The following LRP1B variants were observed in gnomAD, a reference collection of about 807,000 sequenced individuals.
The protein encoded by LRP1B is low-density lipoprotein receptor-related protein 1B.
In LRP1B, 217 loss-of-function variants were observed where a neutral mutation model predicts 556.6. That is an observed-to-expected ratio of 0.39 (90% CI 0.35 to 0.44). The LOEUF is 0.44. Ranked by LOEUF, LRP1B falls within the 20% of genes least tolerant of loss-of-function variation. The probability of loss-of-function intolerance (pLI) is 1.00; values close to 1 mark genes in which losing one functional copy is unlikely to be tolerated. For missense variants in LRP1B, 5,053 were observed against 5,620.8 expected, an observed-to-expected ratio of 0.90 and a Z score of 3.23; for synonymous variants, 2,047 against 1,865.8, an observed-to-expected ratio of 1.10 and a Z score of -2.50.
intron 1 of LRP1B, among the ~76,000 whole-genome samples, chr2:141,962,164 T>G (rs1347854221): frequency 6.6e-6 from 1 of 151,754 alleles, no homozygotes; most frequent in African/African-American, 2.4e-5. Flanking sequence ...GCACAGATCA[T>G]TTGTTGAATA....
intron 2 of LRP1B, among the ~76,000 whole-genome samples, chr2:141,481,663 G>A (rs1682922552): frequency 6.6e-6 from 1 of 152,158 alleles, no homozygotes; most frequent in South Asian, 2.1e-4. Context: ...GGCTGAGTAG[G>A]AATTCAACAT....
intron 31 of LRP1B, among the ~76,000 whole-genome samples, chr2:140,820,169 C>T (rs914017426): frequency 6.6e-6 from 1 of 152,072 alleles, no homozygotes; most frequent in Admixed American, 6.6e-5. Context: ...TTTGTAGAGA[C>T]AGGCTTTGCC....
At chr2:140,382,668 G>A (rs1683568865) in intron 67 of LRP1B, among the ~76,000 whole-genome samples, 1 of 152,164 alleles carries the variant, frequency 6.6e-6, no homozygotes, top group Admixed American at 6.5e-5. Context: ...AACGTAGTTG[G>A]CAGTTAATTG....
intron 5 of LRP1B, among the ~76,000 whole-genome samples, chr2:141,243,886 G>A (rs1056199289): frequency 8.5e-5 from 13 of 152,242 alleles, no homozygotes; most frequent in African/African-American, 2.9e-4. Flanking sequence ...CTGCTGTAGT[G>A]TCTAAAATCT....
intron 2 of LRP1B, among the ~76,000 whole-genome samples, chr2:141,750,897 A>G (rs1157250760): frequency 6.6e-6 from 1 of 152,076 alleles, no homozygotes; most frequent in East Asian, 1.9e-4. Context: ...AAGAGTAGGC[A>G]GCATTTTCAA....
chr2:141,285,121 G>A (rs1248859677), intron 3 of LRP1B, among the ~76,000 whole-genome samples: 1 of 142,214 alleles, frequency 7.0e-6, no homozygotes, highest in Non-Finnish European at 1.5e-5. Flanking sequence ...TTTTTGAGAC[G>A]GAGTCTTGCA....
intron 2 of LRP1B, among the ~76,000 whole-genome samples, chr2:141,507,088 G>T (rs7579724): frequency 0.017 from 2,632 of 152,194 alleles, 70 homozygotes; most frequent in African/African-American, 0.06. Context: ...TTGCTGTTGA[G>T]ATCAGATTAT....
chr2:141,910,683 A>G (rs1206262996), intron 1 of LRP1B, among the ~76,000 whole-genome samples: 1 of 152,112 alleles, frequency 6.6e-6, no homozygotes, highest in Non-Finnish European at 1.5e-5. Context: ...GCTGTGTATT[A>G]TACCTTGGGA....
intron 7 of LRP1B, among the ~76,000 whole-genome samples, chr2:141,136,597 T>C (rs1221393703): frequency 7.2e-6 from 1 of 139,592 alleles, no homozygotes; most frequent in African/African-American, 2.7e-5. Context: ...CCAGGCAATA[T>C]ACATAGTGGA....
At chr2:141,497,580 C>A (rs752009314) in intron 2 of LRP1B, among the ~76,000 whole-genome samples, 1 of 151,804 alleles carries the variant, frequency 6.6e-6, no homozygotes, top group Non-Finnish European at 1.5e-5. Context: ...AGAAATCAGG[C>A]GATGATAGAA....
At position 140,951,951 on chromosome 2, in the gene LRP1B, T is replaced by C. The variant is rs776293040; in HGVS notation, c.2888-11A>G. ...CACAAGTTGGGAATTCTGTGAAAGA[T>C]ATAAAAATGTCCAAAAGGTAACATG... is the stretch of plus-strand genomic sequence containing the variant. On this transcript the variant is annotated splice_polypyrimidine_tract_variant and intron_variant, in intron 18 of 90. Coordinates refer to ENST00000389484, the MANE Select transcript of LRP1B (RefSeq NM_018557.3). 2 of 1,592,044 alleles carry C rather than the reference T, an allele frequency of 1.3e-6. No homozygotes were observed. The highest frequency in any genetic ancestry group is 1.3e-5 in the African/African-American group (1 of 74,620).
At chr2:141,852,947 C>T (rs1697915045) in intron 1 of LRP1B, among the ~76,000 whole-genome samples, 1 of 150,234 alleles carries the variant, frequency 6.7e-6, no homozygotes, top group African/African-American at 2.4e-5. Context: ...GTGAATACAT[C>T]ATTATCATAT....
intron 5 of LRP1B, among the ~76,000 whole-genome samples, chr2:141,243,579 G>A (rs190741350): frequency 6.6e-6 from 1 of 152,158 alleles, no homozygotes; most frequent in East Asian, 1.9e-4. Context: ...TTGTAGTCTT[G>A]TATGTCTCCT....
At chr2:141,929,651 G>A (rs892906994) in intron 1 of LRP1B, among the ~76,000 whole-genome samples, 3 of 151,806 alleles carry the variant, frequency 2.0e-5, no homozygotes, top group Non-Finnish European at 4.4e-5. Flanking sequence ...TTTTATTTTG[G>A]AAGTAAAATG....
chr2:141,970,319 C>T (rs747077167), intron 1 of LRP1B, among the ~76,000 whole-genome samples: 23 of 142,876 alleles, frequency 1.6e-4, no homozygotes, highest in Non-Finnish European at 3.0e-4. Flanking sequence ...CCAATGTATC[C>T]ATTATTTTAG....
intron 2 of LRP1B, among the ~76,000 whole-genome samples, chr2:141,717,417 C>T (rs1692645995): frequency 6.6e-6 from 1 of 152,168 alleles, no homozygotes; most frequent in Non-Finnish European, 1.5e-5. Flanking sequence ...GCTAAATTGA[C>T]TGATTCAGTG....
At chr2:141,029,344 A>G (rs1437619040) in intron 11 of LRP1B, among the ~76,000 whole-genome samples, 1 of 152,010 alleles carries the variant, frequency 6.6e-6, no homozygotes, top group Non-Finnish European at 1.5e-5. Flanking sequence ...GGGTTTATTT[A>G]TGGGTATTGG....
At chr2:141,033,816 G>A (rs1370179083) in intron 11 of LRP1B, among the ~76,000 whole-genome samples, 3 of 152,100 alleles carry the variant, frequency 2.0e-5, no homozygotes. Flanking sequence ...CTCTAGAACT[G>A]TGAACAATAA....
At chr2:141,574,518 C>G (rs1426563349) in intron 2 of LRP1B, among the ~76,000 whole-genome samples, 12 of 152,038 alleles carry the variant, frequency 7.9e-5, no homozygotes, top group Admixed American at 7.2e-4. Context: ...TGGGCAAAAG[C>G]TGGAAGCATT....
Sources: gnomAD v4.1 joint callset for allele counts (sites outside exome capture counted in the v4.1 genomes callset) on GRCh38, gnomAD v4.1.1 for gene constraint, MANE v1.5 for transcripts, NCBI Gene and HGNC (gene_info 2026-07-23, HGNC 2026-07-21) for gene names.